The following NTRK2 variants were observed in gnomAD, a reference collection of about 807,000 sequenced individuals.
The protein encoded by NTRK2 is BDNF/NT-3 growth factors receptor.
A neutral mutation model predicts 94.5 loss-of-function variants in NTRK2; 13 were observed. That is an observed-to-expected ratio of 0.14 (90% CI 0.09 to 0.22). The LOEUF (loss-of-function observed/expected upper bound fraction) is 0.22. Among genes scored for constraint, NTRK2 ranks in the 10% least tolerant of loss-of-function variants. The pLI, the probability that NTRK2 is intolerant of heterozygous loss-of-function variation, is 1.00. For synonymous variants in NTRK2, 372 were observed against 407.4 expected, an observed-to-expected ratio of 0.91 and a Z score of 1.05; for missense variants, 639 against 1,071.2, an observed-to-expected ratio of 0.60 and a Z score of 5.63.
intron 12 of NTRK2, among the ~76,000 whole-genome samples, chr9:84,753,786 A>G (rs957507862): frequency 6.6e-6 from 1 of 152,184 alleles, no homozygotes; most frequent in Non-Finnish European, 1.5e-5. Context: ...ACCAACTAAC[A>G]TTAGAGTTTC....
At chr9:84,841,836 C>T (rs1257300870) in intron 12 of NTRK2, among the ~76,000 whole-genome samples, 1 of 152,152 alleles carries the variant, frequency 6.6e-6, no homozygotes, top group Admixed American at 6.6e-5. Flanking sequence ...CTTCACTTGT[C>T]CTAAAACAGT....
chr9:84,909,276 C>T (rs968728429), intron 14 of NTRK2, among the ~76,000 whole-genome samples: 1 of 152,238 alleles, frequency 6.6e-6, no homozygotes. Flanking sequence ...ATTGCTGAGT[C>T]GTATTCCATG....
rs1244126061 is a variant in NTRK2 at position 84,874,991 on chromosome 9, A to G, written c.1633+7560A>G. The stretch of plus-strand genomic sequence containing the variant: ...AATGGGTATTTTAAAATAAGAATAA[A>G]TAATGTAGATTTAGTAGAAAACCTG... On this transcript the variant is annotated intron_variant, in intron 14 of 18. Transcript: ENST00000277120. 6.6e-6 allele frequency: 7 copies of G among 1,055,316 alleles called. No homozygotes were observed. The Admixed American group carries it at 3.8e-4, about 57-fold the overall frequency. The allele number at this position is 1,055,316 out of a possible 1,614,324, so 65.4% of individuals were successfully genotyped here. A position where few individuals can be genotyped will look rare whatever the true frequency, so the allele number is the denominator to read the frequency against.
chr9:84,966,251 C>T (rs1825544542), intron 17 of NTRK2, among the ~76,000 whole-genome samples: 1 of 152,174 alleles, frequency 6.6e-6, no homozygotes, highest in Non-Finnish European at 1.5e-5. Context: ...TGCATGGGCT[C>T]CTAAGCTTGG....
chr9:84,735,224 T>G (rs899548447), intron 9 of NTRK2, among the ~76,000 whole-genome samples: 1 of 152,182 alleles, frequency 6.6e-6, no homozygotes, highest in African/African-American at 2.4e-5. Flanking sequence ...AAAATTGTCG[T>G]CCTTCATGCT....
intron 2 of NTRK2, among the ~76,000 whole-genome samples, chr9:84,691,628 G>A (rs567327394): frequency 1.3e-5 from 2 of 152,290 alleles, no homozygotes; most frequent in Admixed American, 6.5e-5. Context: ...TCAGGTGGAA[G>A]CTACCCTATC....
chr9:84,802,328 CT>C (rs1421685913), intron 12 of NTRK2, among the ~76,000 whole-genome samples: 1 of 152,092 alleles, frequency 6.6e-6, no homozygotes, highest in Non-Finnish European at 1.5e-5. Context: ...AATTTATGCC[CT>C]TTACAATCCA....
intron 9 of NTRK2, among the ~76,000 whole-genome samples, chr9:84,738,192 T>G (rs2063387993): frequency 1.3e-5 from 2 of 151,598 alleles, no homozygotes; most frequent in Admixed American, 6.6e-5. Context: ...ATTTCTGATT[T>G]GATGAGCACT....
intron 17 of NTRK2, among the ~76,000 whole-genome samples, chr9:84,961,905 G>A (rs754005519): frequency 6.6e-6 from 1 of 152,192 alleles, no homozygotes; most frequent in East Asian, 1.9e-4. Context: ...GGAGGCCCTA[G>A]GCCAGGATAG....
At chr9:84,813,337 T>A in intron 12 of NTRK2, 1 of 1,025,716 alleles carries the variant, frequency 9.7e-7, no homozygotes. Flanking sequence ...AAACCTGGAT[T>A]TCGTGTGAAA....
intron 14 of NTRK2, chr9:84,871,916 A>G: frequency 6.2e-7 from 1 of 1,610,732 alleles, no homozygotes; most frequent in East Asian, 2.2e-5. Context: ...TTATCTGCAA[A>G]TTCTGGCCAG....
At chr9:85,008,011 A>C (rs989548951) in intron 17 of NTRK2, among the ~76,000 whole-genome samples, 2 of 152,152 alleles carry the variant, frequency 1.3e-5, no homozygotes, top group African/African-American at 4.8e-5. Flanking sequence ...ACCTTGAGGC[A>C]GGGAACGGGA....
chr9:84,920,598 G>A (rs1212998282), intron 14 of NTRK2, among the ~76,000 whole-genome samples: 1 of 152,114 alleles, frequency 6.6e-6, no homozygotes, highest in Admixed American at 6.6e-5. Flanking sequence ...CTCCACTACA[G>A]CATGTTCTGA....
chr9:84,707,886 T>C lies in NTRK2; in HGVS notation c.402T>C (p.His134=). 1.2e-6 allele frequency: 2 copies of C among 1,613,110 alleles called. No homozygotes were observed. The highest frequency in any genetic ancestry group is 1.7e-6 in the Non-Finnish European group (2 of 1,179,358). ...RNKLTSLSRK[H]FRHLDLSELI... is the part of the protein sequence containing the mutation. Reference sequence around the variant, plus strand: ...AACTGACGAGTTTGTCTAGGAAACATTTCCGTCACCTTGACTTGTCTGAAC... The same window carrying C: ...AACTGACGAGTTTGTCTAGGAAACACTTCCGTCACCTTGACTTGTCTGAAC... Residue 134 remains histidine, a synonymous_variant, in exon 5 of 19, where the codon CAT becomes CAC. Transcript: ENST00000277120.
chr9:84,811,008 G>A lies in NTRK2; in HGVS notation c.1397-50032G>A, dbSNP rs566924147. 7.2e-6 allele frequency: 8 copies of A among 1,113,304 alleles called. No homozygotes were observed. In the African/African-American group the frequency reaches 9.6e-5, roughly 13 times the overall value. 69.0% of individuals were successfully genotyped at this position (1,113,304 alleles called of 1,614,324 possible). ...AAAAAAAAATTAAAGTTGAGAACAG[G>A]TATAAGTGCACACTGAATAGTCTAA... On this transcript the variant is annotated intron_variant, in intron 12 of 18. Coordinates refer to ENST00000277120, the MANE Select transcript of NTRK2 (RefSeq NM_006180.6).
At chr9:85,008,848 C>T (rs560062894) in intron 17 of NTRK2, among the ~76,000 whole-genome samples, 10 of 152,212 alleles carry the variant, frequency 6.6e-5, no homozygotes, top group South Asian at 2.1e-4. Context: ...GTTACTCTAA[C>T]GCTATCGCCT....
chr9:84,905,315 A>G (rs548135294), intron 14 of NTRK2, among the ~76,000 whole-genome samples: 20 of 151,922 alleles, frequency 1.3e-4, no homozygotes, highest in African/African-American at 3.9e-4. Context: ...TGACTGACAG[A>G]AACCAGGCAT....
intron 11 of NTRK2, among the ~76,000 whole-genome samples, chr9:84,750,934 C>T (rs2064541490): frequency 1.3e-5 from 2 of 152,222 alleles, no homozygotes; most frequent in Non-Finnish European, 2.9e-5. Flanking sequence ...TCATCTCTAC[C>T]TCTGGGATGG....
intron 2 of NTRK2, among the ~76,000 whole-genome samples, chr9:84,672,192 GTC>G (rs962365911): frequency 5.1e-4 from 78 of 152,284 alleles, no homozygotes; most frequent in Middle Eastern, 3.4e-3. Context: ...GACCTTCCTA[GTC>G]TCTGTTGCCT....
Sources: allele counts gnomAD v4.1 joint callset (sites outside exome capture counted in the v4.1 genomes callset), GRCh38; gene constraint gnomAD v4.1.1; transcripts MANE v1.5; gene names NCBI Gene and HGNC (gene_info 2026-07-23, HGNC 2026-07-21).